CDH13: variants seen among roughly 807,000 people sequenced by gnomAD.
CDH13 encodes cadherin-13.
A neutral mutation model predicts 63.8 loss-of-function variants in CDH13; 24 were observed. The ratio of observed to expected loss-of-function variants is 0.38; its 90% CI spans 0.27 to 0.53. The LOEUF (loss-of-function observed/expected upper bound fraction) is 0.53, where lower values mean the gene tolerates loss of function less well. CDH13 is among the 20% of genes least tolerant of loss of function. The pLI is 0.85. For missense variants in CDH13, 1,049 were observed against 903.1 expected (o/e 1.16, Z -2.07); for synonymous variants, 503 against 355.3 (o/e 1.42, Z -4.67).
chr16:83,704,663 C>T (rs1031239728), intron 10 of CDH13, among the ~76,000 whole-genome samples: 1 of 152,182 alleles, frequency 6.6e-6, no homozygotes, highest in Non-Finnish European at 1.5e-5. Flanking sequence ...TACATGGTCA[C>T]TATCCTTAGA....
intron 4 of CDH13, among the ~76,000 whole-genome samples, chr16:83,200,154 A>T (rs7198281): frequency 6.6e-6 from 1 of 151,942 alleles, no homozygotes; most frequent in African/African-American, 2.4e-5. Flanking sequence ...CTCAGAGTCT[A>T]TGTGGTGCTG....
At chr16:83,000,574 C>CT (rs561787532) in intron 2 of CDH13, among the ~76,000 whole-genome samples, 14,214 of 127,550 alleles carry the variant, frequency 0.11, 853 homozygotes, top group East Asian at 0.28. Flanking sequence ...TTTCTTTTCT[C>CT]TTTTTTTTTT....
chr16:82,993,932 C>A (rs538784260), intron 2 of CDH13, among the ~76,000 whole-genome samples: 4 of 152,172 alleles, frequency 2.6e-5, no homozygotes, highest in Non-Finnish European at 4.4e-5. Flanking sequence ...AGCAAGCACT[C>A]CCCCTCCGTT....
chr16:83,647,802 A>G (rs993334440), intron 8 of CDH13, among the ~76,000 whole-genome samples: 2 of 152,036 alleles, frequency 1.3e-5, no homozygotes, highest in Admixed American at 6.6e-5. Flanking sequence ...ACCAAAGGGG[A>G]AGAGATTCTG....
chr16:83,650,422 C>G (rs559578764), intron 8 of CDH13, among the ~76,000 whole-genome samples: 1 of 152,172 alleles, frequency 6.6e-6, no homozygotes. Flanking sequence ...ATGTTTGAAT[C>G]TATGACCAAA....
intron 3 of CDH13, among the ~76,000 whole-genome samples, chr16:83,063,119 G>A (rs1481384269): frequency 4.6e-5 from 7 of 152,044 alleles, no homozygotes; most frequent in African/African-American, 1.7e-4. Flanking sequence ...GTGCCAGCAC[G>A]TCTGGCTAAT....
At chr16:83,297,607 T>G (rs1337281055) in intron 5 of CDH13, among the ~76,000 whole-genome samples, 1 of 152,150 alleles carries the variant, frequency 6.6e-6, no homozygotes, top group East Asian at 1.9e-4. Flanking sequence ...GTCTTTGTAG[T>G]TAGATGTTTT....
At chr16:82,759,240 G>A (rs952846305) in intron 1 of CDH13, among the ~76,000 whole-genome samples, 1 of 152,162 alleles carries the variant, frequency 6.6e-6, no homozygotes, top group African/African-American at 2.4e-5. Flanking sequence ...AACTTTATTT[G>A]TGTATCTCCC....
chr16:83,017,512 T>G lies in CDH13; in HGVS notation c.158-14498T>G, dbSNP rs1914922813. Among the ~76,000 whole-genome samples, 2 of 152,236 alleles carry G rather than the reference T, an allele frequency of 1.3e-5. 1 individual carries two copies. The highest frequency in any genetic ancestry group is 4.1e-4 in the South Asian group (2 of 4,834). ...TCCAGCTTTCCTACTTACAGATGTG[T>G]GACCTTAAGAAATGTTCTTACTCTC... On this transcript the variant is annotated intron_variant, in intron 2 of 13. Transcript: ENST00000567109.
intron 4 of CDH13, among the ~76,000 whole-genome samples, chr16:83,140,558 A>G (rs1326596155): frequency 6.6e-6 from 1 of 151,798 alleles, no homozygotes; most frequent in Non-Finnish European, 1.5e-5. Context: ...GGTTCAAGTG[A>G]TTTTCCTGCC....
chr16:83,630,348 A>G (rs1292732906), intron 8 of CDH13, among the ~76,000 whole-genome samples: 2 of 152,222 alleles, frequency 1.3e-5, no homozygotes, highest in East Asian at 3.8e-4. Flanking sequence ...ACATACCCAT[A>G]ACGCAGCCTC....
intron 8 of CDH13, among the ~76,000 whole-genome samples, chr16:83,635,186 A>G (rs1598400047): frequency 6.6e-6 from 1 of 152,076 alleles, no homozygotes; most frequent in African/African-American, 2.4e-5. Flanking sequence ...CTCCCTAATA[A>G]CTAATGATAT....
chr16:83,401,113 G>A (rs1036787461), intron 6 of CDH13, among the ~76,000 whole-genome samples: 3 of 152,108 alleles, frequency 2.0e-5, no homozygotes, highest in African/African-American at 7.2e-5. Context: ...AGCCGAGGTG[G>A]GTGGATCACC....
At chr16:83,333,717 A>G (rs2090526207) in intron 5 of CDH13, among the ~76,000 whole-genome samples, 1 of 152,220 alleles carries the variant, frequency 6.6e-6, no homozygotes, top group Non-Finnish European at 1.5e-5. Context: ...GGTGGAAACT[A>G]AAACCTGGAA....
chr16:82,628,352 G>C (rs550327269), intron 1 of CDH13, among the ~76,000 whole-genome samples: 14 of 152,166 alleles, frequency 9.2e-5, no homozygotes, highest in Non-Finnish European at 2.1e-4. Flanking sequence ...CGGGGTAGAG[G>C]CTCAGGTGAG....
At chr16:83,570,633 G>T (rs1378288740) in intron 7 of CDH13, among the ~76,000 whole-genome samples, 1 of 150,412 alleles carries the variant, frequency 6.6e-6, no homozygotes, top group Admixed American at 6.7e-5. Flanking sequence ...AGGAGACAAA[G>T]TCCATCCTAG....
intron 5 of CDH13, among the ~76,000 whole-genome samples, chr16:83,318,225 A>G (rs868347319): frequency 2.6e-5 from 4 of 152,170 alleles, no homozygotes; most frequent in Non-Finnish European, 5.9e-5. Flanking sequence ...CATTTCCAGT[A>G]AGGAAGGTCT....
At chr16:82,876,584 C>T (rs1488234692) in intron 2 of CDH13, among the ~76,000 whole-genome samples, 5 of 152,180 alleles carry the variant, frequency 3.3e-5, no homozygotes, top group African/African-American at 9.7e-5. Flanking sequence ...CTTCTGTACT[C>T]GTCATGGGCC....
chr16:82,877,457 G>A (rs144517291), intron 2 of CDH13, among the ~76,000 whole-genome samples: 284 of 152,244 alleles, frequency 1.9e-3, no homozygotes, highest in African/African-American at 6.4e-3. Flanking sequence ...TAAGCACTAC[G>A]CCATGTTGAT....
Sources: gnomAD v4.1 joint callset for allele counts (sites outside exome capture counted in the v4.1 genomes callset) on GRCh38, gnomAD v4.1.1 for gene constraint, MANE v1.5 for transcripts, NCBI Gene and HGNC (gene_info 2026-07-23, HGNC 2026-07-21) for gene names.